The following MAGI1 variants were observed in gnomAD, a reference collection of about 807,000 sequenced individuals.
MAGI1 encodes membrane-associated guanylate kinase, WW and PDZ domain-containing protein 1.
In MAGI1, 58 loss-of-function variants were observed where a neutral mutation model predicts 139.9. The ratio of observed to expected loss-of-function variants is 0.41; its 90% CI spans 0.34 to 0.52. MAGI1 has a LOEUF of 0.52. Among genes scored for constraint, MAGI1 ranks in the 20% least tolerant of loss-of-function variants. MAGI1 has a pLI of 0.12. For synonymous variants in MAGI1, 812 were observed against 737.9 expected, an observed-to-expected ratio of 1.10 and a Z score of -1.63; for missense variants, 1,874 against 1,901.6, an observed-to-expected ratio of 0.99 and a Z score of 0.27.
intron 1 of MAGI1, among the ~76,000 whole-genome samples, chr3:65,701,185 A>C (rs2089582526): frequency 7.4e-6 from 1 of 135,432 alleles, no homozygotes; most frequent in Admixed American, 7.8e-5. Context: ...CCAGTTTACT[A>C]ATGAAAAAAA....
At chr3:65,552,548 T>C (rs1346682808) in intron 2 of MAGI1, among the ~76,000 whole-genome samples, 2 of 152,118 alleles carry the variant, frequency 1.3e-5, no homozygotes, top group African/African-American at 4.8e-5. Flanking sequence ...TAGATTTTCT[T>C]AGAAGCCCTC....
chr3:65,855,578 G>A (rs1183583078), intron 1 of MAGI1, among the ~76,000 whole-genome samples: 1 of 119,290 alleles, frequency 8.4e-6, no homozygotes, highest in Non-Finnish European at 1.7e-5. Flanking sequence ...TCCCTGCCTG[G>A]GCAACAGAGT....
intron 2 of MAGI1, among the ~76,000 whole-genome samples, chr3:65,565,979 T>A (rs940229041): frequency 6.6e-6 from 1 of 151,648 alleles, no homozygotes; most frequent in South Asian, 2.1e-4. Context: ...ATATTTTAAG[T>A]TTGTGGTGGC....
chr3:65,484,850 A>G (rs933239888), intron 3 of MAGI1, among the ~76,000 whole-genome samples: 3 of 152,296 alleles, frequency 2.0e-5, no homozygotes, highest in African/African-American at 7.2e-5. Flanking sequence ...TCAAGGAACC[A>G]CATACCTCCC....
chr3:65,564,275 G>T (rs2080510255), intron 2 of MAGI1, among the ~76,000 whole-genome samples: 1 of 151,316 alleles, frequency 6.6e-6, no homozygotes, highest in East Asian at 1.9e-4. Context: ...AAAAAAGGCA[G>T]AACAAATCTA....
At position 65,847,783 on chromosome 3, in the gene MAGI1, A is replaced by G. The variant is rs193211106; in HGVS notation, c.313+190213T>C. Among the ~76,000 whole-genome samples, 807 of 152,340 alleles carry G rather than the reference A, an allele frequency of 5.3e-3. 5 individuals are homozygous for G. The highest frequency in any genetic ancestry group is 0.017 in the Middle Eastern group (5 of 294). Reference sequence around the variant, plus strand: ...TGATGATGAAATTCCACTGGGTACTACGCTCTTCACTATTTTACAAGTGAG... The same window carrying G: ...TGATGATGAAATTCCACTGGGTACTGCGCTCTTCACTATTTTACAAGTGAG... On this transcript the variant is annotated intron_variant, in intron 1 of 22. Transcript: ENST00000402939.
At chr3:65,516,175 C>CCT (rs994558203) in intron 2 of MAGI1, among the ~76,000 whole-genome samples, 6 of 150,480 alleles carry the variant, frequency 4.0e-5, no homozygotes, top group South Asian at 2.1e-4. Context: ...ACCCTGTCTC[C>CCT]CTCTCTCTCT....
chr3:65,840,513 T>C (rs1280494552), intron 1 of MAGI1, among the ~76,000 whole-genome samples: 1 of 152,214 alleles, frequency 6.6e-6, no homozygotes, highest in Non-Finnish European at 1.5e-5. Context: ...CATCAATTGA[T>C]ATAATCATGT....
At chr3:65,957,520 C>CAAAAAAAAAAAAA (rs761240940) in intron 1 of MAGI1, among the ~76,000 whole-genome samples, 2 of 31,036 alleles carry the variant, frequency 6.4e-5, no homozygotes, top group Non-Finnish European at 1.1e-4. Flanking sequence ...GACTTCATCT[C>CAAAAAAAAAAAAA]AAAAAAAAAA....
At position 65,689,590 on chromosome 3, in the gene MAGI1, T is replaced by C. The variant is rs58791746; in HGVS notation, c.314-67502A>G. 7.4e-3 allele frequency among the ~76,000 whole-genome samples: 1,120 copies of C among 152,252 alleles called. 7 individuals carry two copies. The highest frequency in any genetic ancestry group is 0.026 in the African/African-American group (1,084 of 41,552). ...GGCAAAAGACACATCATCCCCCTAG[T>C]GGAGAAGCCCACAGACAAGGAAAAC... On this transcript the variant is annotated intron_variant, in intron 1 of 22. Coordinates refer to ENST00000402939, the MANE Select transcript of MAGI1 (RefSeq NM_001033057.2).
At chr3:65,700,463 AAATAAAT>A (rs2089518744) in intron 1 of MAGI1, among the ~76,000 whole-genome samples, 1 of 152,010 alleles carries the variant, frequency 6.6e-6, no homozygotes, top group South Asian at 2.1e-4. Flanking sequence ...ATAAATAAAT[AAATAAAT>A]AATAATAATA....
chr3:65,806,188 T>C (rs1216145970), intron 1 of MAGI1, among the ~76,000 whole-genome samples: 3 of 152,102 alleles, frequency 2.0e-5, no homozygotes, highest in Admixed American at 1.3e-4. Context: ...CCCAGCACTT[T>C]GGGAGGCTGA....
intron 2 of MAGI1, among the ~76,000 whole-genome samples, chr3:65,579,610 C>T (rs1371587614): frequency 6.6e-6 from 1 of 152,184 alleles, no homozygotes; most frequent in Non-Finnish European, 1.5e-5. Flanking sequence ...CTTTGGGAGG[C>T]CAAGGCGGGT....
chr3:66,005,110 C>T (rs1377155361), intron 1 of MAGI1, among the ~76,000 whole-genome samples: 6 of 152,064 alleles, frequency 3.9e-5, no homozygotes, highest in Admixed American at 6.6e-5. Flanking sequence ...TGTTAAATGG[C>T]TTTTTTATTT....
chr3:65,739,998 T>TAA (rs11291014), intron 1 of MAGI1, among the ~76,000 whole-genome samples: 1 of 151,172 alleles, frequency 6.6e-6, no homozygotes, highest in African/African-American at 2.4e-5. Context: ...CTTCAAGTTG[T>TAA]AAAAAAAAAA....
intron 1 of MAGI1, among the ~76,000 whole-genome samples, chr3:65,625,065 G>A (rs1220586937): frequency 4.6e-5 from 7 of 152,044 alleles, no homozygotes; most frequent in Admixed American, 1.3e-4. Flanking sequence ...TAGAGATGGC[G>A]TTTTACCATG....
At chr3:65,997,637 C>T (rs72910936) in intron 1 of MAGI1, among the ~76,000 whole-genome samples, 16,414 of 151,914 alleles carry the variant, frequency 0.11, 1,238 homozygotes, top group African/African-American at 0.21. Context: ...GCCTGGGCGA[C>T]AGAGCAAGAC....
chr3:65,380,970 ATC>A (rs1943004554), intron 16 of MAGI1: 1 of 152,128 alleles, frequency 6.6e-6, no homozygotes, highest in East Asian at 1.9e-4. Context: ...TCTGACAGGT[ATC>A]TGTTTCACTA....
chr3:65,964,060 C>A (rs781103536), intron 1 of MAGI1, among the ~76,000 whole-genome samples: 1 of 152,172 alleles, frequency 6.6e-6, no homozygotes, highest in Non-Finnish European at 1.5e-5. Flanking sequence ...ATCTTTACTG[C>A]ATCACATTTC....
Sources: allele counts gnomAD v4.1 joint callset (sites outside exome capture counted in the v4.1 genomes callset), GRCh38; gene constraint gnomAD v4.1.1; transcripts MANE v1.5; gene names NCBI Gene and HGNC (gene_info 2026-07-23, HGNC 2026-07-21).